The following TTLL11 variants were observed in gnomAD, a reference collection of about 807,000 sequenced individuals.
TTLL11 encodes tubulin polyglutamylase TTLL11.
A neutral mutation model predicts 51.7 loss-of-function variants in TTLL11; 42 were observed. The ratio of observed to expected loss-of-function variants is 0.81; its 90% CI spans 0.64 to 1.05. The LOEUF is 1.05. Among genes scored for constraint, TTLL11 ranks in the 50% least tolerant of loss-of-function variants. The probability of loss-of-function intolerance (pLI) is 0.00; values close to 1 mark genes in which losing one functional copy is unlikely to be tolerated. For synonymous variants in TTLL11, 381 were observed against 383.5 expected (o/e 0.99, Z 0.08); for missense variants, 799 against 940.4 (o/e 0.85, Z 1.97).
Position 121,816,059 on chromosome 9 carries a change from T to C in TTLL11, c.*6528A>G, listed in dbSNP as rs1129678. 0.21 allele frequency: 32,400 copies of C among 152,148 alleles called. 3,907 individuals carry two copies. Among genetic ancestry groups the C allele is most frequent in the South Asian group, 0.34 (1,633 of 4,820 alleles). The allele number at this position is 152,148 out of a possible 1,614,324, so 9.4% of individuals were successfully genotyped here. A position where few individuals can be genotyped will look rare whatever the true frequency, so the allele number is the denominator to read the frequency against. On this transcript the variant is annotated 3_prime_UTR_variant, in exon 9 of 9. Coordinates refer to ENST00000321582, the MANE Select transcript of TTLL11 (RefSeq NM_001139442.2). ...TCCCGCACCCGGTTCTTTACATACA[T>C]TACGACGTGATCCCCACTATCTAGG... is the stretch of plus-strand genomic sequence containing the variant.
At chr9:121,894,179 T>C (rs1839365880) in intron 6 of TTLL11, among the ~76,000 whole-genome samples, 1 of 152,192 alleles carries the variant, frequency 6.6e-6, no homozygotes, top group Non-Finnish European at 1.5e-5. Flanking sequence ...GCAAGGAGCC[T>C]ACAGCCTGGT....
chr9:122,045,452 G>A (rs555408900), intron 1 of TTLL11, among the ~76,000 whole-genome samples: 11 of 152,266 alleles, frequency 7.2e-5, no homozygotes, highest in Admixed American at 5.9e-4. Context: ...TTGGGAGGCT[G>A]AGGCAGGAGA....
At chr9:121,919,120 A>G (rs1034125030) in intron 6 of TTLL11, among the ~76,000 whole-genome samples, 2 of 152,268 alleles carry the variant, frequency 1.3e-5, no homozygotes, top group African/African-American at 4.8e-5. Flanking sequence ...ACAAAAAGGT[A>G]AATGTCCACC....
chr9:122,043,388 G>A (rs746151197), intron 1 of TTLL11, among the ~76,000 whole-genome samples: 3 of 152,162 alleles, frequency 2.0e-5, no homozygotes, highest in African/African-American at 7.2e-5. Flanking sequence ...ATTCAATAGG[G>A]AAAGGGCAGT....
intron 8 of TTLL11, among the ~76,000 whole-genome samples, chr9:121,828,532 C>T (rs1190485331): frequency 6.6e-6 from 1 of 152,162 alleles, no homozygotes; most frequent in Non-Finnish European, 1.5e-5. Context: ...TGTTGCTATG[C>T]AGCCTTTATA....
chr9:121,998,149 G>GTTATGT (rs1843338336), intron 3 of TTLL11, among the ~76,000 whole-genome samples: 1 of 152,128 alleles, frequency 6.6e-6, no homozygotes, highest in African/African-American at 2.4e-5. Flanking sequence ...GAATGTATAC[G>GTTATGT]ACTGGTTATA....
At chr9:121,874,618 A>G (rs1399724288) in intron 6 of TTLL11, among the ~76,000 whole-genome samples, 1 of 152,108 alleles carries the variant, frequency 6.6e-6, no homozygotes, top group East Asian at 1.9e-4. Flanking sequence ...CATCAGTGTA[A>G]TTTCTCATGA....
At chr9:121,824,102 C>T (rs538334174) in intron 8 of TTLL11, among the ~76,000 whole-genome samples, 6 of 152,284 alleles carry the variant, frequency 3.9e-5, no homozygotes, top group Admixed American at 1.3e-4. Flanking sequence ...GGTGCATTGA[C>T]GCTAGGTACT....
intron 3 of TTLL11, among the ~76,000 whole-genome samples, chr9:122,019,083 T>C (rs1440683905): frequency 6.6e-6 from 1 of 152,214 alleles, no homozygotes; most frequent in Non-Finnish European, 1.5e-5. Flanking sequence ...GTCTGCCTTC[T>C]TCTTCACCCT....
intron 6 of TTLL11, among the ~76,000 whole-genome samples, chr9:121,896,624 A>G (rs866237896): frequency 6.6e-6 from 1 of 152,286 alleles, no homozygotes; most frequent in Non-Finnish European, 1.5e-5. Flanking sequence ...GGTTGCATAG[A>G]TGGGCGTGCA....
At chr9:122,006,755 C>A (rs993427042) in intron 3 of TTLL11, among the ~76,000 whole-genome samples, 1 of 151,968 alleles carries the variant, frequency 6.6e-6, no homozygotes, top group Admixed American at 6.6e-5. Context: ...GAGGCCAAGG[C>A]GGGAAGATTA....
At chr9:121,987,545 C>G (rs1842969193) in intron 4 of TTLL11, among the ~76,000 whole-genome samples, 1 of 152,186 alleles carries the variant, frequency 6.6e-6, no homozygotes, top group South Asian at 2.1e-4. Context: ...GACTCTGGCC[C>G]TGGCTCCATC....
chr9:122,016,458 T>C (rs16911278), intron 3 of TTLL11, among the ~76,000 whole-genome samples: 3,707 of 152,288 alleles, frequency 0.024, 141 homozygotes, highest in African/African-American at 0.085. Context: ...ATGTGACTAA[T>C]AGATTTACCG....
At chr9:121,870,412 G>A (rs375082503) in intron 7 of TTLL11, 85 bp downstream of exon 7, 6 of 1,459,888 alleles carry the variant, frequency 4.1e-6, no homozygotes, top group African/African-American at 1.4e-5. Flanking sequence ...TCTCCCGAGC[G>A]CAGTCAGGGA....
At chr9:122,003,483 C>CTTT (rs398012131) in intron 3 of TTLL11, among the ~76,000 whole-genome samples, 12 of 116,448 alleles carry the variant, frequency 1.0e-4, no homozygotes, top group African/African-American at 2.3e-4. Context: ...GCATACGTTC[C>CTTT]TTTTTTTTTT....
chr9:121,868,318 T>C (rs1168059381), intron 7 of TTLL11, among the ~76,000 whole-genome samples: 2 of 152,138 alleles, frequency 1.3e-5, no homozygotes, highest in Admixed American at 1.3e-4. Flanking sequence ...TGCCTACCTA[T>C]CTGTTCTCTT....
At chr9:121,882,463 G>C (rs1042326559) in intron 6 of TTLL11, among the ~76,000 whole-genome samples, 1 of 152,128 alleles carries the variant, frequency 6.6e-6, no homozygotes, top group Non-Finnish European at 1.5e-5. Context: ...AATCTTGCTT[G>C]TTCACAGCAT....
rs1837729192 is a variant in TTLL11, at chr9:121,853,532, T to C, written c.1840+6805A>G. On this transcript the variant is annotated intron_variant, in intron 8 of 8. Transcript: ENST00000321582. This position sits in a 1 kb window ranked among gnomAD's most constrained non-coding sequence, Gnocchi z 5.6. ...GTGTGAGGCTAGTGATGAGTGGGGA[T>C]GCAGAGTGGACAGGGGTCCAGCTCT... 6.6e-6 allele frequency among the ~76,000 whole-genome samples: 1 copy of C among 151,866 alleles called. No homozygotes were observed. Among genetic ancestry groups the C allele is most frequent in the Non-Finnish European group, 1.5e-5 (1 of 67,954 alleles).
intron 1 of TTLL11, among the ~76,000 whole-genome samples, chr9:122,066,773 A>C (rs1845595503): frequency 6.6e-6 from 1 of 152,158 alleles, no homozygotes; most frequent in Admixed American, 6.5e-5. Flanking sequence ...ACTGCCCCAG[A>C]CTGGGTAATT....
Sources: allele counts gnomAD v4.1 joint callset (sites outside exome capture counted in the v4.1 genomes callset), GRCh38; gene constraint gnomAD v4.1.1; non-coding constraint Gnocchi (gnomAD v3.1); transcripts MANE v1.5; gene names NCBI Gene and HGNC (gene_info 2026-07-23, HGNC 2026-07-21).